The following C8orf34 variants were observed in gnomAD, a reference collection of about 807,000 sequenced individuals.
C8orf34 encodes the protein uncharacterized protein C8orf34.
Under a neutral mutation model 68.3 loss-of-function variants are expected in C8orf34, and 65 were observed. The ratio of observed to expected loss-of-function variants is 0.95; its 90% CI spans 0.78 to 1.17. The LOEUF is 1.17. Ranked by LOEUF, C8orf34 falls within the 50% of genes most tolerant of loss-of-function variation. The pLI is 0.00. For synonymous variants in C8orf34, 244 were observed against 241.2 expected, an observed-to-expected ratio of 1.01 and a Z score of -0.11; for missense variants, 664 against 655.4, an observed-to-expected ratio of 1.01 and a Z score of -0.14.
At chr8:68,347,364 T>C (rs1370411698) in intron 1 of C8orf34, among the ~76,000 whole-genome samples, 1 of 152,100 alleles carries the variant, frequency 6.6e-6, no homozygotes, top group East Asian at 1.9e-4. Context: ...CAGTCAGTCA[T>C]TGACAGGTAT....
intron 1 of C8orf34, among the ~76,000 whole-genome samples, chr8:68,340,877 A>T (rs1489362767): frequency 6.6e-6 from 1 of 152,332 alleles, no homozygotes; most frequent in Non-Finnish European, 1.5e-5. Flanking sequence ...TCATTACATT[A>T]TGAATATAGA....
chr8:68,546,047 T>C (rs543219114), intron 7 of C8orf34, among the ~76,000 whole-genome samples: 1 of 152,170 alleles, frequency 6.6e-6, no homozygotes, highest in African/African-American at 2.4e-5. Flanking sequence ...ATTTCTTTAA[T>C]TCCAAGAGCA....
chr8:68,472,057 C>CTT (rs1035197709), intron 4 of C8orf34, among the ~76,000 whole-genome samples: 2 of 151,742 alleles, frequency 1.3e-5, no homozygotes, highest in Non-Finnish European at 1.5e-5. Context: ...CTTTTTCTGG[C>CTT]TTTTTTTCAA....
At chr8:68,451,519 C>T (rs1291028423) in intron 3 of C8orf34, among the ~76,000 whole-genome samples, 3 of 151,966 alleles carry the variant, frequency 2.0e-5, no homozygotes, top group South Asian at 2.1e-4. Context: ...GGCCATTGTA[C>T]GGTTTTAGAT....
intron 7 of C8orf34, among the ~76,000 whole-genome samples, chr8:68,578,007 T>C (rs928665682): frequency 6.6e-6 from 1 of 151,712 alleles, no homozygotes; most frequent in Non-Finnish European, 1.5e-5. Flanking sequence ...TTTTCCACCA[T>C]AGTCTTGGGG....
intron 8 of C8orf34, among the ~76,000 whole-genome samples, chr8:68,705,616 C>T (rs187340836): frequency 2.3e-4 from 35 of 152,196 alleles, no homozygotes; most frequent in African/African-American, 8.2e-4. Context: ...TGAATAAAAA[C>T]TGTGGACGTA....
chr8:68,345,442 G>A (rs1170601186), intron 1 of C8orf34, among the ~76,000 whole-genome samples: 2 of 151,942 alleles, frequency 1.3e-5, no homozygotes, highest in African/African-American at 4.8e-5. Context: ...AGAATTCATA[G>A]TAGGCAGACT....
intron 5 of C8orf34, among the ~76,000 whole-genome samples, chr8:68,494,780 C>T (rs1015525443): frequency 5.9e-5 from 9 of 151,784 alleles, no homozygotes; most frequent in South Asian, 4.2e-4. Context: ...CACTTGAACA[C>T]GGGAGGCGGA....
At chr8:68,581,037 T>C (rs995728080) in intron 7 of C8orf34, among the ~76,000 whole-genome samples, 1 of 152,038 alleles carries the variant, frequency 6.6e-6, no homozygotes, top group Non-Finnish European at 1.5e-5. Flanking sequence ...CTCTTAGGGG[T>C]GTTGGCTACG....
chr8:68,590,653 A>C (rs1185048956), intron 7 of C8orf34, among the ~76,000 whole-genome samples: 1 of 152,182 alleles, frequency 6.6e-6, no homozygotes, highest in Non-Finnish European at 1.5e-5. Flanking sequence ...ATATCTAACT[A>C]CATGTGGAAG....
chr8:68,449,089 A>G (rs563973217), intron 3 of C8orf34, among the ~76,000 whole-genome samples: 68 of 152,238 alleles, frequency 4.5e-4, no homozygotes, highest in African/African-American at 1.4e-3. Flanking sequence ...AATTTGAACA[A>G]GACTATCAAC....
At chr8:68,435,413 G>C (rs571877731) in intron 1 of C8orf34, among the ~76,000 whole-genome samples, 1 of 151,952 alleles carries the variant, frequency 6.6e-6, no homozygotes, top group African/African-American at 2.4e-5. Flanking sequence ...GTTTGAGGGG[G>C]TATCACCAAA....
In C8orf34 at chr8:68,559,412, C is replaced by T. The variant is rs748156609; in HGVS notation, c.1105+26263C>T. On this transcript the variant is annotated intron_variant, in intron 7 of 13. Transcript: ENST00000518698. The stretch of plus-strand genomic sequence containing the variant: ...TTTACATGTCCTGTAAATGATAAGA[C>T]GTATGAGTAAGTCTGTAAATTGAGG... 3.9e-5 allele frequency among the ~76,000 whole-genome samples: 6 copies of T among 152,116 alleles called. No individual in the cohort carries two copies. In the East Asian group the frequency reaches 5.8e-4, roughly 15 times the overall value.
chr8:68,800,456 A>C (rs1824299115), intron 12 of C8orf34, among the ~76,000 whole-genome samples: 1 of 152,212 alleles, frequency 6.6e-6, no homozygotes, highest in Admixed American at 6.5e-5. Context: ...AGGATGAAAC[A>C]AATAATTTAA....
At chr8:68,616,033 C>G (rs61124581) in intron 7 of C8orf34, among the ~76,000 whole-genome samples, 42,399 of 148,876 alleles carry the variant, frequency 0.28, 7,704 homozygotes, top group African/African-American at 0.53. Flanking sequence ...GTGTACGTGT[C>G]GAGGAATTTA....
intron 1 of C8orf34, among the ~76,000 whole-genome samples, chr8:68,362,471 C>T (rs896279284): frequency 5.3e-5 from 8 of 152,316 alleles, no homozygotes; most frequent in Admixed American, 1.3e-4. Context: ...CCAGCGTGAG[C>T]GACGCAGAAG....
chr8:68,732,198 A>C (rs1024488394), intron 10 of C8orf34, among the ~76,000 whole-genome samples: 1 of 152,240 alleles, frequency 6.6e-6, no homozygotes, highest in Non-Finnish European at 1.5e-5. Flanking sequence ...TTCTTAATAC[A>C]TTCCAGAGGA....
chr8:68,464,285 C>A (rs1811998968), intron 3 of C8orf34, among the ~76,000 whole-genome samples: 2 of 152,088 alleles, frequency 1.3e-5, no homozygotes, highest in South Asian at 4.1e-4. Flanking sequence ...AACCACTGCT[C>A]AATGAAATAA....
At chr8:68,672,518 A>G (rs886190369) in intron 8 of C8orf34, among the ~76,000 whole-genome samples, 3 of 152,158 alleles carry the variant, frequency 2.0e-5, no homozygotes, top group Non-Finnish European at 2.9e-5. Flanking sequence ...CCCGGTCACA[A>G]TGGAAAGCAA....
Sources: allele counts gnomAD v4.1 joint callset (sites outside exome capture counted in the v4.1 genomes callset), GRCh38; gene constraint gnomAD v4.1.1; transcripts MANE v1.5; gene names NCBI Gene and HGNC (gene_info 2026-07-23, HGNC 2026-07-21).